Variants in IPO5 observed in about 807,000 individuals in gnomAD.
IPO5 encodes importin-5.
Under a neutral mutation model 143.3 loss-of-function variants are expected in IPO5, and 18 were observed. The observed-to-expected ratio is 0.13, with a 90% confidence interval of 0.09 to 0.19. IPO5 has a LOEUF of 0.19. Ranked by LOEUF, IPO5 falls within the 10% of genes least tolerant of loss-of-function variation. The probability of loss-of-function intolerance (pLI) is 1.00; values close to 1 mark genes in which losing one functional copy is unlikely to be tolerated. For missense variants in IPO5, 1,013 were observed against 1,336.9 expected (o/e 0.76, Z 3.78); for synonymous variants, 477 against 465.7 (o/e 1.02, Z -0.31).
At chr13:98,016,906 C>T (rs112735721) in intron 25 of IPO5, 55 bp downstream of exon 25, 56 of 1,305,728 alleles carry the variant, frequency 4.3e-5, no homozygotes, top group Middle Eastern at 3.9e-4. Flanking sequence ...GAATTCTTTT[C>T]ACTGCAACGT....
intron 16 of IPO5, among the ~76,000 whole-genome samples, chr13:98,005,365 T>TTTTATTTATTTA (rs57168569): frequency 9.9e-5 from 14 of 142,084 alleles, no homozygotes; most frequent in Admixed American, 2.1e-4. Flanking sequence ...CCTGGCTAAT[T>TTTTATTTATTTA]TTTATTTATT....
chr13:97,966,508 T>G (rs150661734), intron 2 of IPO5, among the ~76,000 whole-genome samples: 47 of 152,310 alleles, frequency 3.1e-4, no homozygotes, highest in African/African-American at 1.1e-3. Flanking sequence ...CTCTATATGT[T>G]GTTTAATTCA....
chr13:97,970,359 GC>G (rs1459661238), intron 3 of IPO5, among the ~76,000 whole-genome samples: 2 of 152,034 alleles, frequency 1.3e-5, no homozygotes, highest in African/African-American at 4.8e-5. Flanking sequence ...AGTGGCTCAC[GC>G]CTGTAATCCC....
At position 97,990,532 on chromosome 13, in the gene IPO5, C is replaced by T. The variant is rs1439049749; in HGVS notation, c.664C>T (p.Leu222=). The T allele has an allele frequency of 6.5e-7, 1 of 1,549,544 alleles. No homozygotes were observed. The highest frequency in any genetic ancestry group is 2.3e-5 in the East Asian group (1 of 44,360). Residue 222 remains leucine (L), a synonymous_variant, in exon 9 of 29, where the codon CTA becomes TTA. Coordinates refer to ENST00000651721, the MANE Select transcript of IPO5 (RefSeq NM_002271.6). The part of the protein sequence containing the change: ...KHFADLLPGF[L]QAVNDSCYQN... ...TTTTGCAGACTTGCTACCGGGATTC[C>T]TACAGGTATGAAAGCAATATAGAAT...
chr13:98,020,588 C>T (rs1344970051), intron 27 of IPO5, among the ~76,000 whole-genome samples: 1 of 152,204 alleles, frequency 6.6e-6, no homozygotes, highest in African/African-American at 2.4e-5. Context: ...AATTCGCTAT[C>T]AGGTTTTTTC....
chr13:97,977,568 T>C (rs1886485239), intron 4 of IPO5, among the ~76,000 whole-genome samples: 1 of 152,238 alleles, frequency 6.6e-6, no homozygotes, highest in Non-Finnish European at 1.5e-5. Context: ...TGTTTAAGTC[T>C]TCAACTTCAT....
At chr13:97,956,089 G>T (rs1884439302) in intron 2 of IPO5, among the ~76,000 whole-genome samples, 1 of 148,902 alleles carries the variant, frequency 6.7e-6, no homozygotes, top group Non-Finnish European at 1.5e-5. Context: ...CCAAGATCGC[G>T]CCACTGCACT....
intron 18 of IPO5, 137 bp downstream of exon 18, chr13:98,008,279 AT>A: frequency 1.7e-6 from 1 of 573,998 alleles, no homozygotes; most frequent in Non-Finnish European, 3.1e-6. Flanking sequence ...TTCTTCACTG[AT>A]TTTCCTTCTG....
chr13:97,995,979 A>G lies in IPO5; in HGVS notation c.914-1552A>G, dbSNP rs73556546. 7.3e-3 allele frequency among the ~76,000 whole-genome samples: 1,106 copies of G among 152,342 alleles called. 19 individuals are homozygous for G. Among genetic ancestry groups the G allele is most frequent in the African/African-American group, 0.025 (1,037 of 41,578 alleles). Reference sequence around the variant, plus strand: ...AATTTTTTGACCAATCAGATACACCATAAATGAACTGAAAAAATAAGCCAC... The same window carrying G: ...AATTTTTTGACCAATCAGATACACCGTAAATGAACTGAAAAAATAAGCCAC... On this transcript the variant is annotated intron_variant, in intron 11 of 28. Transcript: ENST00000651721.
At chr13:97,961,375 A>G (rs1446047659) in intron 2 of IPO5, among the ~76,000 whole-genome samples, 2 of 152,202 alleles carry the variant, frequency 1.3e-5, no homozygotes, top group East Asian at 3.9e-4. Context: ...ATGGTAACTC[A>G]GGCTGGAGTG....
Position 97,969,725 on chromosome 13 carries a change from G to C in IPO5, c.-110G>C, listed in dbSNP as rs1223545367. 7.4e-7 allele frequency: 1 copy of C among 1,357,720 alleles called. No homozygotes were observed. The highest frequency in any genetic ancestry group is 1.1e-6 in the Non-Finnish European group (1 of 947,316). The allele number at this position is 1,357,720 out of a possible 1,614,324, so 84.1% of individuals were successfully genotyped here. ...CCATTCTGTTTCTGTCAAATCAGCA[G>C]AGGAAAGAAATTCCTAAGGGAACAC... On this transcript the variant is annotated splice_region_variant and 5_prime_UTR_variant, in exon 3 of 29. Transcript: ENST00000651721.
chr13:97,988,343 T>C (rs2139678933), intron 6 of IPO5, among the ~76,000 whole-genome samples: 1 of 152,326 alleles, frequency 6.6e-6, no homozygotes, highest in Middle Eastern at 3.4e-3. Context: ...CCAAAGTAGT[T>C]GTTACTTTGG....
At chr13:98,003,082 T>A in intron 16 of IPO5, 45 bp downstream of exon 16, 1 of 1,450,670 alleles carries the variant, frequency 6.9e-7, no homozygotes, top group East Asian at 2.3e-5. Context: ...GTAGATTAAT[T>A]TGGGTTGATT....
intron 12 of IPO5, among the ~76,000 whole-genome samples, chr13:97,999,151 TAAA>T (rs1223071353): frequency 6.6e-6 from 1 of 151,848 alleles, no homozygotes; most frequent in Non-Finnish European, 1.5e-5. Flanking sequence ...TCAAAAAAAA[TAAA>T]AAGCTGAAAT....
chr13:98,013,994 T>G lies in IPO5; in HGVS notation c.2153-48T>G, dbSNP rs1338048359. ...TTTTAGTGCATTGAACCCTTTAACA[T>G]TTAAGCAAAATAATAAACAGTCTTT... On this transcript the variant is annotated intron_variant, in intron 21 of 28. Coordinates refer to ENST00000651721, the MANE Select transcript of IPO5 (RefSeq NM_002271.6). 3 of 1,556,704 alleles carry G rather than the reference T, an allele frequency of 1.9e-6. No homozygotes were observed. In the South Asian group the frequency reaches 3.7e-5, roughly 19 times the overall value.
At chr13:97,970,976 T>C (rs1025926437) in intron 3 of IPO5, among the ~76,000 whole-genome samples, 11 of 152,022 alleles carry the variant, frequency 7.2e-5, no homozygotes, top group Admixed American at 6.5e-4. Context: ...TGCCAGGTAT[T>C]TTAATCAGTA....
At chr13:97,977,339 A>G (rs1365921936) in intron 4 of IPO5, among the ~76,000 whole-genome samples, 1 of 151,976 alleles carries the variant, frequency 6.6e-6, no homozygotes, top group East Asian at 1.9e-4. Flanking sequence ...GTTCTTTCTC[A>G]TTCTAGTTCC....
intron 4 of IPO5, 26 bp downstream of exon 4, chr13:97,976,812 TCGCGCCCTGGCCGG>T: frequency 9.0e-7 from 1 of 1,116,922 alleles, no homozygotes; most frequent in Non-Finnish European, 1.2e-6. Context: ...GCCCCAGTCT[TCGCGCCCTGGCCGG>T]CGCGCCGACC....
chr13:97,989,258 C>T lies in IPO5; in HGVS notation c.467+94C>T, dbSNP rs566009523. ...TATTTTAGCCTAATTTAACCTTATACTTAAAATGATAATAATGCCTTTACA... is the reference window on the plus strand; with the variant it reads ...TATTTTAGCCTAATTTAACCTTATATTTAAAATGATAATAATGCCTTTACA... On this transcript the variant is annotated intron_variant, in intron 7 of 28. Coordinates refer to ENST00000651721, the MANE Select transcript of IPO5 (RefSeq NM_002271.6). The T allele has an allele frequency of 3.6e-5, 23 of 637,054 alleles. No homozygotes were observed. The African/African-American group carries it at 3.8e-4, about 11-fold the overall frequency. 39.5% of individuals were successfully genotyped at this position (637,054 alleles called of 1,614,324 possible).
Sources: gnomAD v4.1 joint callset for allele counts (sites outside exome capture counted in the v4.1 genomes callset) on GRCh38, gnomAD v4.1.1 for gene constraint, MANE v1.5 for transcripts, NCBI Gene and HGNC (gene_info 2026-07-23, HGNC 2026-07-21) for gene names.